The following ARHGEF37 variants were observed in gnomAD, a reference collection of about 807,000 sequenced individuals.
ARHGEF37 encodes the protein Rho guanine nucleotide exchange factor (GEF) 37.
Under a neutral mutation model 71.1 loss-of-function variants are expected in ARHGEF37, and 55 were observed. The ratio of observed to expected loss-of-function variants is 0.77; its 90% CI spans 0.62 to 0.97. The LOEUF (loss-of-function observed/expected upper bound fraction) is 0.97, where lower values mean the gene tolerates loss of function less well. Among genes scored for constraint, ARHGEF37 ranks in the 50% least tolerant of loss-of-function variants. The pLI is 0.00. For missense variants in ARHGEF37, 765 were observed against 836.8 expected (o/e 0.91, Z 1.06); for synonymous variants, 327 against 350.6 (o/e 0.93, Z 0.75).
rs1473324031 is a variant in ARHGEF37, at chr5:149,597,755, C to T, written c.-11-4C>T. 3.3e-6 allele frequency: 5 copies of T among 1,527,756 alleles called. No individual in the cohort carries two copies. The highest frequency in any genetic ancestry group is 1.9e-4 in the Middle Eastern group (1 of 5,162). The allele number at this position is 1,527,756 out of a possible 1,614,324, so 94.6% of individuals were successfully genotyped here. A position where few individuals can be genotyped will look rare whatever the true frequency, so the allele number is the denominator to read the frequency against. ...GTGAGTGGGGATGCTTTTGCTTTTCCCAGAACCTGCTGACATGGCCAAGCA... is the reference window on the plus strand; with the variant it reads ...GTGAGTGGGGATGCTTTTGCTTTTCTCAGAACCTGCTGACATGGCCAAGCA... On this transcript the variant is annotated splice_polypyrimidine_tract_variant and splice_region_variant and intron_variant, in intron 1 of 12. Transcript: ENST00000333677.
chr5:149,556,181 G>A (rs890993829), intron 1 of ARHGEF37, among the ~76,000 whole-genome samples: 6 of 151,838 alleles, frequency 4.0e-5, no homozygotes, highest in Non-Finnish European at 2.9e-5. Context: ...AGTGTCCCAA[G>A]TGTTGTTTAT....
chr5:149,597,999 A>T, intron 2 of ARHGEF37, 44 bp downstream of exon 2: 2 of 1,502,680 alleles, frequency 1.3e-6, no homozygotes, highest in Non-Finnish European at 1.8e-6. Context: ...ATAGGGGCAA[A>T]TGTGGGTCCC....
At chr5:149,558,421 G>T (rs1454669414) in intron 1 of ARHGEF37, among the ~76,000 whole-genome samples, 2 of 152,150 alleles carry the variant, frequency 1.3e-5, no homozygotes, top group Non-Finnish European at 2.9e-5. Context: ...CAGGAAAATG[G>T]CTTGAACCCA....
chr5:149,632,159 CCAGTT>C lies in ARHGEF37; in HGVS notation c.1998_2002del (p.Leu668GlyfsTer23), dbSNP rs766965065. 2 of 1,614,206 alleles carry C rather than the reference CCAGTT, an allele frequency of 1.2e-6. No individual in the cohort carries two copies. The highest frequency in any genetic ancestry group is 1.7e-6 in the Non-Finnish European group (2 of 1,180,042). On this transcript the variant is annotated frameshift_variant, in exon 13 of 13. Transcript: ENST00000333677. LOFTEE classifies it high-confidence loss of function. ...TGGCTTCTTGGCCAGGGCTCGGAGC[CCAGTT>C]CTGTGGGGCTGGAGTCTGCCCTCTT...
intron 11 of ARHGEF37, 91 bp from the exon 12 acceptor site, chr5:149,628,718 G>A: frequency 1.4e-6 from 2 of 1,459,170 alleles, no homozygotes; most frequent in Non-Finnish European, 1.8e-6. Flanking sequence ...GAGAAGCTGT[G>A]TTGGAAACAT....
chr5:149,613,162 G>A (rs1752250696), intron 4 of ARHGEF37, among the ~76,000 whole-genome samples: 1 of 152,170 alleles, frequency 6.6e-6, no homozygotes, highest in South Asian at 2.1e-4. Context: ...AGCTAGGTGT[G>A]TTTGTTTTAA....
intron 3 of ARHGEF37, among the ~76,000 whole-genome samples, chr5:149,608,063 C>T (rs962601250): frequency 2.6e-5 from 4 of 151,956 alleles, no homozygotes; most frequent in South Asian, 2.1e-4. Context: ...CCACCGGGCC[C>T]GGCCTAAAGA....
rs1752468354 is a variant in ARHGEF37, at chr5:149,619,308, C to T, written c.894+266C>T. On this transcript the variant is annotated intron_variant, in intron 7 of 12. Coordinates refer to ENST00000333677, the MANE Select transcript of ARHGEF37 (RefSeq NM_001001669.3). Reference sequence around the variant, plus strand: ...AGCAGAGCCCCGCAGAGCAACTCTGCCAGACCAGCACCTAGAGCAGGGGAG... The same window carrying T: ...AGCAGAGCCCCGCAGAGCAACTCTGTCAGACCAGCACCTAGAGCAGGGGAG... 3.9e-5 allele frequency among the ~76,000 whole-genome samples: 6 copies of T among 152,170 alleles called. No homozygotes were observed. In the South Asian group the frequency reaches 1.2e-3, roughly 32 times the overall value.
chr5:149,633,348 G>A lies in ARHGEF37; in HGVS notation c.*1157G>A, dbSNP rs1752944137. The A allele has an allele frequency of 6.6e-6, 1 of 152,332 alleles. No individual in the cohort carries two copies. Among genetic ancestry groups the A allele is most frequent in the African/African-American group, 2.4e-5 (1 of 41,466 alleles). The allele number at this position is 152,332 out of a possible 1,614,324, so 9.4% of individuals were successfully genotyped here. A position where few individuals can be genotyped will look rare whatever the true frequency, so the allele number is the denominator to read the frequency against. On this transcript the variant is annotated 3_prime_UTR_variant, in exon 13 of 13. Coordinates refer to ENST00000333677, the MANE Select transcript of ARHGEF37 (RefSeq NM_001001669.3). ...GCCCATGCCTGTGGCAGCAAACCTTGTTCATCAGTATAGCTTTCTTTCCTG... is the reference window on the plus strand; with the variant it reads ...GCCCATGCCTGTGGCAGCAAACCTTATTCATCAGTATAGCTTTCTTTCCTG...
At chr5:149,591,016 TA>T (rs1243436961) in intron 1 of ARHGEF37, among the ~76,000 whole-genome samples, 1 of 152,228 alleles carries the variant, frequency 6.6e-6, no homozygotes, top group Non-Finnish European at 1.5e-5. Context: ...AAATAAGATG[TA>T]ACCACTGGGG....
intron 1 of ARHGEF37, among the ~76,000 whole-genome samples, chr5:149,567,223 T>C (rs1749282471): frequency 1.3e-5 from 2 of 152,242 alleles, no homozygotes; most frequent in Admixed American, 1.3e-4. Context: ...ATTTTGTTTG[T>C]ACGTGATGAG....
chr5:149,612,149 C>A (rs906571362), intron 4 of ARHGEF37, among the ~76,000 whole-genome samples: 13 of 151,458 alleles, frequency 8.6e-5, no homozygotes, highest in African/African-American at 3.1e-4. Flanking sequence ...AGAATAGCAA[C>A]TGACAGTGAC....
At chr5:149,594,468 C>T (rs1763490734) in intron 1 of ARHGEF37, among the ~76,000 whole-genome samples, 1 of 152,204 alleles carries the variant, frequency 6.6e-6, no homozygotes, top group Non-Finnish European at 1.5e-5. Flanking sequence ...GGCCTTTGCC[C>T]TCTGTACATC....
intron 4 of ARHGEF37, 74 bp downstream of exon 4, chr5:149,609,769 T>C: frequency 3.2e-6 from 5 of 1,577,292 alleles, no homozygotes; most frequent in Admixed American, 1.7e-5. Context: ...GTCTCACCCC[T>C]TTTTCATGCC....
At chr5:149,583,572 C>T (rs1463253883) in intron 1 of ARHGEF37, among the ~76,000 whole-genome samples, 2 of 152,214 alleles carry the variant, frequency 1.3e-5, no homozygotes, top group East Asian at 3.8e-4. Context: ...TCACATCCCT[C>T]TTGGATCAGC....
In ARHGEF37 at chr5:149,603,239, C is replaced by T. The variant is rs531420580; in HGVS notation, c.310+2008C>T. Among the ~76,000 whole-genome samples, 11 of 152,196 alleles carry T rather than the reference C, an allele frequency of 7.2e-5. No individual in the cohort carries two copies. The South Asian group carries it at 1.0e-3, about 14-fold the overall frequency. ...TGAGCCACCGTGCCTGGCCTAAATACGCAAACAAATCTTAAAAACCTACTT... is the reference window on the plus strand; with the variant it reads ...TGAGCCACCGTGCCTGGCCTAAATATGCAAACAAATCTTAAAAACCTACTT... On this transcript the variant is annotated intron_variant, in intron 3 of 12. Transcript: ENST00000333677.
At chr5:149,598,435 T>G (rs1403215596) in intron 2 of ARHGEF37, among the ~76,000 whole-genome samples, 2 of 148,222 alleles carry the variant, frequency 1.3e-5, no homozygotes, top group African/African-American at 2.5e-5. Flanking sequence ...CTTCTCCTTC[T>G]TCTCCTTCCT....
At chr5:149,612,903 G>A (rs1237809919) in intron 4 of ARHGEF37, among the ~76,000 whole-genome samples, 1 of 152,214 alleles carries the variant, frequency 6.6e-6, no homozygotes, top group Non-Finnish European at 1.5e-5. Flanking sequence ...CTTTATTTGG[G>A]TAGGATGTTC....
intron 7 of ARHGEF37, among the ~76,000 whole-genome samples, chr5:149,619,602 A>G (rs1393344172): frequency 2.0e-5 from 3 of 152,156 alleles, no homozygotes; most frequent in Non-Finnish European, 4.4e-5. Flanking sequence ...AGAAAAACAC[A>G]CCTGGAAATT....
Sources: allele counts gnomAD v4.1 joint callset (sites outside exome capture counted in the v4.1 genomes callset), GRCh38; gene constraint gnomAD v4.1.1; transcripts MANE v1.5; gene names NCBI Gene and HGNC (gene_info 2026-07-23, HGNC 2026-07-21).